The following PCDHA11 variants were observed in gnomAD, a reference collection of about 807,000 sequenced individuals.
PCDHA11 encodes the protein protocadherin alpha 11.
In PCDHA11, 61 loss-of-function variants were observed where a neutral mutation model predicts 70.3. The observed-to-expected ratio is 0.87, with a 90% CI of 0.71 to 1.07. PCDHA11 has a LOEUF of 1.07. PCDHA11 is among the 50% of genes least tolerant of loss of function. PCDHA11 has a pLI of 0.00. For synonymous variants in PCDHA11, 633 were observed against 555.1 expected, an observed-to-expected ratio of 1.14 and a Z score of -1.97; for missense variants, 1,324 against 1,237.5, an observed-to-expected ratio of 1.07 and a Z score of -1.05.
chr5:140,967,228 G>A (rs1316363900), intron 1 of PCDHA11: 3 of 1,613,652 alleles, frequency 1.9e-6, no homozygotes, highest in Non-Finnish European at 2.5e-6. Flanking sequence ...CCAACTACCA[G>A]CTTCAGGTAA....
chr5:140,997,668 TTGTGTGTG>T (rs35184029), intron 3 of PCDHA11, among the ~76,000 whole-genome samples: 1 of 148,244 alleles, frequency 6.7e-6, no homozygotes, highest in Non-Finnish European at 1.5e-5. Context: ...ATTATACAGC[TTGTGTGTG>T]TGTGTGTGTG....
At chr5:140,992,605 A>C (rs2097521923) in intron 3 of PCDHA11, among the ~76,000 whole-genome samples, 1 of 152,166 alleles carries the variant, frequency 6.6e-6, no homozygotes, top group South Asian at 2.1e-4. Flanking sequence ...TCTGTGTCTA[A>C]GTGAAAGCAG....
At chr5:140,958,294 A>G (rs1324756311) in intron 1 of PCDHA11, among the ~76,000 whole-genome samples, 1 of 152,142 alleles carries the variant, frequency 6.6e-6, no homozygotes, top group African/African-American at 2.4e-5. Context: ...ATATTATTGA[A>G]CTTAATTAAA....
intron 1 of PCDHA11, chr5:140,877,758 G>C: frequency 6.2e-7 from 1 of 1,614,190 alleles, no homozygotes; most frequent in Non-Finnish European, 8.5e-7. Context: ...GCTCTGCAGA[G>C]AGCCCGCCCA....
At chr5:140,948,897 T>G (rs1487067374) in intron 1 of PCDHA11, among the ~76,000 whole-genome samples, 4 of 151,680 alleles carry the variant, frequency 2.6e-5, no homozygotes, top group Non-Finnish European at 5.9e-5. Flanking sequence ...AGATTTTAAG[T>G]GGATTCTTAG....
At position 140,872,763 on chromosome 5, in the gene PCDHA11, G is replaced by T. The variant is rs560485194; in HGVS notation, c.2391+1269G>T. The stretch of plus-strand genomic sequence containing the variant: ...AACTTGCTAAAGACATGCATATAGG[G>T]CTATATTATCTATAATATATGCTAG... On this transcript the variant is annotated intron_variant, in intron 1 of 3. Transcript: ENST00000398640. Among the ~76,000 whole-genome samples, 293 of 152,126 alleles carry T rather than the reference G, an allele frequency of 1.9e-3. 2 individuals are homozygous for T. The highest frequency in any genetic ancestry group is 3.6e-3 in the Non-Finnish European group (245 of 67,974).
chr5:140,996,410 G>A (rs1195533511), intron 3 of PCDHA11, among the ~76,000 whole-genome samples: 2 of 152,222 alleles, frequency 1.3e-5, no homozygotes, highest in African/African-American at 2.4e-5. Flanking sequence ...GGTGGGGCAG[G>A]CAGTGTGAAA....
At chr5:140,941,262 T>TTTCTCTTTCC in intron 1 of PCDHA11, among the ~76,000 whole-genome samples, 1 of 138,798 alleles carries the variant, frequency 7.2e-6, no homozygotes, top group Non-Finnish European at 1.6e-5. Context: ...TTTCTCTTTC[T>TTTCTCTTTCC]TTCTTTCTTT....
At chr5:140,968,947 C>T (rs1342316299) in intron 1 of PCDHA11, 6 of 1,614,042 alleles carry the variant, frequency 3.7e-6, no homozygotes, top group Non-Finnish European at 5.1e-6. Context: ...TCATTTTGAG[C>T]ATCATCAAGT....
At chr5:140,977,356 TA>T (rs2096758024) in intron 1 of PCDHA11, among the ~76,000 whole-genome samples, 1 of 152,250 alleles carries the variant, frequency 6.6e-6, no homozygotes, top group South Asian at 2.1e-4. Flanking sequence ...GACTGATTGA[TA>T]AAAAGTATTT....
chr5:140,900,817 A>G (rs2068314504), intron 1 of PCDHA11, among the ~76,000 whole-genome samples: 1 of 152,154 alleles, frequency 6.6e-6, no homozygotes, highest in Non-Finnish European at 1.5e-5. Context: ...ACTAATTTAC[A>G]TTCCCACCAA....
At chr5:140,875,568 C>G in intron 1 of PCDHA11, 2 of 1,614,114 alleles carry the variant, frequency 1.2e-6, no homozygotes, top group Non-Finnish European at 1.7e-6. Context: ...GCCAGCTCCA[C>G]TACTCCGTCT....
rs565071573 is a variant in PCDHA11, at chr5:141,009,664, G to A, written c.2577G>A (p.Ala859=). The A allele has an allele frequency of 2.2e-5, 36 of 1,613,862 alleles. No individual in the cohort carries two copies. The highest frequency in any genetic ancestry group is 5.0e-5 in the Admixed American group (3 of 59,974). The stretch of plus-strand genomic sequence containing the variant: ...GAGAAGTGTCCCCTCCAGTCGGTGC[G>A]GGTGTCAACAGCAACAGCTGGACCT... The part of the protein sequence containing the change: ...EAGEVSPPVG[A]GVNSNSWTFK... Residue 859 remains alanine (A), a synonymous_variant, in exon 4 of 4, where the codon GCG becomes GCA. Transcript: ENST00000398640.
chr5:140,985,930 G>A (rs577670490), intron 3 of PCDHA11, among the ~76,000 whole-genome samples: 1 of 151,914 alleles, frequency 6.6e-6, no homozygotes, highest in East Asian at 1.9e-4. Flanking sequence ...TAGTAGAGCC[G>A]GGGTTTCACT....
At chr5:140,941,202 CCTTTCTTT>C (rs797023184) in intron 1 of PCDHA11, among the ~76,000 whole-genome samples, 5 of 122,740 alleles carry the variant, frequency 4.1e-5, no homozygotes, top group Non-Finnish European at 9.0e-5. Context: ...TTTCTTTCTT[CCTTTCTTT>C]CTTCCTTTCT....
chr5:140,920,853 A>G (rs375783359), intron 1 of PCDHA11, among the ~76,000 whole-genome samples: 2 of 152,062 alleles, frequency 1.3e-5, no homozygotes, highest in Non-Finnish European at 2.9e-5. Context: ...AAAAAAAAAA[A>G]AAAAACAAAC....
At chr5:140,954,919 C>A (rs246021) in intron 1 of PCDHA11, among the ~76,000 whole-genome samples, 85,722 of 151,952 alleles carry the variant, frequency 0.56, 24,790 homozygotes, top group African/African-American at 0.69. Flanking sequence ...TTATGAATTA[C>A]GTCTTTAATT....
intron 1 of PCDHA11, among the ~76,000 whole-genome samples, chr5:140,911,118 G>A (rs11955654): frequency 0.019 from 2,929 of 152,274 alleles, 39 homozygotes; most frequent in East Asian, 0.055. Flanking sequence ...AGCCATCACT[G>A]TTGCCTCAGG....
At chr5:140,941,750 T>C (rs528792646) in intron 1 of PCDHA11, among the ~76,000 whole-genome samples, 2 of 152,384 alleles carry the variant, frequency 1.3e-5, no homozygotes, top group Admixed American at 6.5e-5. Flanking sequence ...TATCAGATTT[T>C]CAGTGCTTTT....
Sources: gnomAD v4.1 joint callset for allele counts (sites outside exome capture counted in the v4.1 genomes callset) on GRCh38, gnomAD v4.1.1 for gene constraint, MANE v1.5 for transcripts, NCBI Gene and HGNC (gene_info 2026-07-23, HGNC 2026-07-21) for gene names.